Variants in C1orf21 observed in about 807,000 individuals in gnomAD.
The protein encoded by C1orf21 is uncharacterized protein C1orf21.
A neutral mutation model predicts 18.7 loss-of-function variants in C1orf21; 3 were observed. That is an observed-to-expected ratio of 0.16 (90% CI 0.07 to 0.42). The LOEUF is 0.42. Among genes scored for constraint, C1orf21 ranks in the 10% least tolerant of loss-of-function variants. C1orf21 has a pLI of 0.99. For missense variants in C1orf21, 104 were observed against 143.6 expected (o/e 0.72, Z 1.41); for synonymous variants, 41 against 46.4 (o/e 0.88, Z 0.47).
At chr1:184,439,142 C>T (rs902065484) in intron 1 of C1orf21, among the ~76,000 whole-genome samples, 1 of 151,768 alleles carries the variant, frequency 6.6e-6, no homozygotes, top group East Asian at 1.9e-4. Context: ...ACCCAGGAGG[C>T]GAAGGTTGCA....
intron 3 of C1orf21, among the ~76,000 whole-genome samples, chr1:184,552,175 A>G (rs1362964851): frequency 6.6e-6 from 1 of 152,216 alleles, no homozygotes; most frequent in Non-Finnish European, 1.5e-5. Context: ...TAATACTTTT[A>G]ACATAGAAAG....
At chr1:184,421,477 A>G (rs988474576) in intron 1 of C1orf21, among the ~76,000 whole-genome samples, 3 of 152,256 alleles carry the variant, frequency 2.0e-5, no homozygotes, top group Admixed American at 6.5e-5. Flanking sequence ...GCTTTAAAAC[A>G]AAACAACAAC....
chr1:184,575,221 T>A (rs1406951947), intron 3 of C1orf21, among the ~76,000 whole-genome samples: 1 of 152,164 alleles, frequency 6.6e-6, no homozygotes, highest in Non-Finnish European at 1.5e-5. Flanking sequence ...CTACAACCAG[T>A]CTCTTCCTAG....
Position 184,505,320 on chromosome 1 carries a change from TATATATATATATATATATATAC to T in C1orf21, c.95-2266_95-2245del, listed in dbSNP as rs1278985625. Among the ~76,000 whole-genome samples the T allele has an allele frequency of 5.1e-4, 67 of 130,248 alleles. 1 individual carries two copies. The highest frequency in any genetic ancestry group is 2.1e-3 in the East Asian group (10 of 4,744). The allele number at this position is 130,248 out of a possible 152,430, so 85.4% of individuals were successfully genotyped here. A position where few individuals can be genotyped will look rare whatever the true frequency, so the allele number is the denominator to read the frequency against. ...ATACATAAAGAAATATATATATATA[TATATATATATATATATATATAC>T]ACACATGCCATATATATATAGACAT... On this transcript the variant is annotated intron_variant, in intron 2 of 5. Transcript: ENST00000235307.
intron 1 of C1orf21, among the ~76,000 whole-genome samples, chr1:184,418,457 A>G (rs1656494731): frequency 6.6e-6 from 1 of 152,080 alleles, no homozygotes. Context: ...GAAGCAATCT[A>G]CCTGCCTTGG....
chr1:184,396,153 C>A (rs1411254843), intron 1 of C1orf21, among the ~76,000 whole-genome samples: 1 of 152,116 alleles, frequency 6.6e-6, no homozygotes. Context: ...CTATGCAAAT[C>A]CTTTTAGGTC....
At chr1:184,596,930 T>A (rs1206939839) in intron 4 of C1orf21, among the ~76,000 whole-genome samples, 1 of 150,580 alleles carries the variant, frequency 6.6e-6, no homozygotes, top group Admixed American at 6.6e-5. Flanking sequence ...ATGAGAGAGA[T>A]CCTCTATTAT....
chr1:184,447,273 T>C (rs1557974297), intron 1 of C1orf21, among the ~76,000 whole-genome samples: 2 of 152,222 alleles, frequency 1.3e-5, no homozygotes, highest in Non-Finnish European at 1.5e-5. Context: ...CTCTGAAATA[T>C]ATAGCGCTTT....
chr1:184,555,760 A>G (rs1658869605), intron 3 of C1orf21, among the ~76,000 whole-genome samples: 1 of 152,080 alleles, frequency 6.6e-6, no homozygotes, highest in South Asian at 2.1e-4. Context: ...CGAGTGAGGA[A>G]GGCTCCCCTC....
intron 3 of C1orf21, among the ~76,000 whole-genome samples, chr1:184,519,264 G>C (rs1658272333): frequency 6.6e-6 from 1 of 152,108 alleles, no homozygotes; most frequent in South Asian, 2.1e-4. Context: ...ATTTACTCTT[G>C]ACCTCCTCCT....
intron 1 of C1orf21, among the ~76,000 whole-genome samples, chr1:184,469,100 G>T (rs60109296): frequency 6.7e-6 from 1 of 149,676 alleles, no homozygotes; most frequent in African/African-American, 2.5e-5. Flanking sequence ...GAAAAAAAAA[G>T]TCAGCCAGGC....
At chr1:184,406,099 C>A (rs1158518734) in intron 1 of C1orf21, among the ~76,000 whole-genome samples, 1 of 152,192 alleles carries the variant, frequency 6.6e-6, no homozygotes, top group Non-Finnish European at 1.5e-5. Flanking sequence ...TTATGATCCT[C>A]TGTGTGAAGA....
intron 4 of C1orf21, among the ~76,000 whole-genome samples, chr1:184,598,066 T>C (rs1349490642): frequency 6.6e-6 from 1 of 152,146 alleles, no homozygotes; most frequent in Admixed American, 6.5e-5. Flanking sequence ...GAAATATGCC[T>C]TATGCTGCTT....
Position 184,627,125 on chromosome 1 carries a change from G to A in C1orf21, c.*7569G>A, listed in dbSNP as rs904802778. On this transcript the variant is annotated 3_prime_UTR_variant, in exon 6 of 6. Transcript: ENST00000235307. ...CAAGTGGAAAATACCCATAGGCCTAGACAGCTGTGGAGGGAAGACCTCGTG... is the reference window on the plus strand; with the variant it reads ...CAAGTGGAAAATACCCATAGGCCTAAACAGCTGTGGAGGGAAGACCTCGTG... 1 of 152,558 alleles carries A rather than the reference G, an allele frequency of 6.6e-6. No homozygotes were observed. Among genetic ancestry groups the A allele is most frequent in the Non-Finnish European group, 1.5e-5 (1 of 68,052 alleles). 9.5% of individuals were successfully genotyped at this position (152,558 alleles called of 1,614,324 possible). A position where few individuals can be genotyped will look rare whatever the true frequency, so the allele number is the denominator to read the frequency against.
chr1:184,552,616 GA>G (rs1360724999), intron 3 of C1orf21, among the ~76,000 whole-genome samples: 2 of 151,856 alleles, frequency 1.3e-5, no homozygotes, highest in Admixed American at 6.6e-5. Flanking sequence ...TTGTCATGGT[GA>G]AAAAAAGGGA....
chr1:184,512,347 G>C (rs1253825355), intron 3 of C1orf21, among the ~76,000 whole-genome samples: 1 of 152,186 alleles, frequency 6.6e-6, no homozygotes, highest in Admixed American at 6.5e-5. Context: ...CTATAGTTAA[G>C]TGTCTAGCAC....
chr1:184,450,721 G>A (rs546849896), intron 1 of C1orf21, among the ~76,000 whole-genome samples: 3 of 152,060 alleles, frequency 2.0e-5, no homozygotes, highest in East Asian at 3.9e-4. Context: ...AAATTTATGT[G>A]GCTGAAAGGC....
chr1:184,546,565 T>A (rs933739767), intron 3 of C1orf21, among the ~76,000 whole-genome samples: 1 of 152,234 alleles, frequency 6.6e-6, no homozygotes, highest in Non-Finnish European at 1.5e-5. Flanking sequence ...GAAACTCTGA[T>A]ACCACTTAAT....
At chr1:184,437,352 G>A (rs574768167) in intron 1 of C1orf21, among the ~76,000 whole-genome samples, 37 of 152,262 alleles carry the variant, frequency 2.4e-4, no homozygotes, top group African/African-American at 8.7e-4. Flanking sequence ...AAAACCAACA[G>A]CCATCGATCA....
Sources: gnomAD v4.1 joint callset for allele counts (sites outside exome capture counted in the v4.1 genomes callset) on GRCh38, gnomAD v4.1.1 for gene constraint, MANE v1.5 for transcripts, NCBI Gene and HGNC (gene_info 2026-07-23, HGNC 2026-07-21) for gene names.